Variants in RGCC observed in about 807,000 individuals in gnomAD.
The protein encoded by RGCC is regulator of cell cycle.
Under a neutral mutation model 15.4 loss-of-function variants are expected in RGCC, and 15 were observed. The observed-to-expected ratio is 0.97, with a 90% CI of 0.65 to 1.50. The LOEUF (loss-of-function observed/expected upper bound fraction) is 1.50. Ranked by LOEUF, RGCC falls within the 40% of genes most tolerant of loss-of-function variation. The pLI is 0.00. For missense variants in RGCC, 176 were observed against 189.7 expected (o/e 0.93, Z 0.42); for synonymous variants, 81 against 78.0 (o/e 1.04, Z -0.20).
chr13:41,470,549 A>G lies in RGCC; in HGVS notation c.*64A>G. On this transcript the variant is annotated 3_prime_UTR_variant, in exon 5 of 5. Transcript: ENST00000379359. ...CTTCAGAAAGTTCCGAGGACCTGCT[A>G]AAATCAGCTACTAGAATCTGCTGCC... The G allele has an allele frequency of 6.6e-7, 1 of 1,514,642 alleles. No individual in the cohort carries two copies. The highest frequency in any genetic ancestry group is 9.2e-7 in the Non-Finnish European group (1 of 1,089,616). The allele number at this position is 1,514,642 out of a possible 1,614,324, so 93.8% of individuals were successfully genotyped here. A position where few individuals can be genotyped will look rare whatever the true frequency, so the allele number is the denominator to read the frequency against.
Position 41,466,883 on chromosome 13 carries a change from C to T in RGCC, c.296C>T (p.Thr99Ile), listed in dbSNP as rs2043852003. The change falls in exon 3 of 5, where the codon ACA becomes ATA. Residue 99 changes from threonine to isoleucine, a missense_variant. Physicochemically the swap from Thr to Ile is moderately conservative, Grantham distance 89 (BLOSUM62 -1). Coordinates refer to ENST00000379359, the MANE Select transcript of RGCC (RefSeq NM_014059.3). ...SFSDEKLNSP[T>I]DSTPALLSAT... is the part of the protein sequence containing the mutation. ...AGTGATGAAAAACTGAATTCTCCAA[C>T]AGACTCTACCCCAGCTCTTCTCTCT... The T allele has an allele frequency of 6.2e-7, 1 of 1,613,824 alleles. No homozygotes were observed. Among genetic ancestry groups the T allele is most frequent in the South Asian group, 1.1e-5 (1 of 91,084 alleles).
intron 2 of RGCC, among the ~76,000 whole-genome samples, chr13:41,465,907 G>A (rs2043844547): frequency 6.6e-6 from 1 of 152,032 alleles, no homozygotes; most frequent in African/African-American, 2.4e-5. Context: ...AGGAGGCTCA[G>A]AGGGCAGAAG....
In RGCC at chr13:41,470,611, G is replaced by A; in HGVS notation, c.*126G>A. 2.2e-6 allele frequency: 2 copies of A among 927,910 alleles called. No individual in the cohort carries two copies. Among genetic ancestry groups the A allele is most frequent in the Non-Finnish European group, 1.8e-6 (1 of 566,042 alleles). 57.5% of individuals were successfully genotyped at this position (927,910 alleles called of 1,614,324 possible). Reference sequence around the variant, plus strand: ...AGACGTGCACTCAACCTTCTACCAGGCCACTCTCAGGCTCACCTTAAAATC... The same window carrying A: ...AGACGTGCACTCAACCTTCTACCAGACCACTCTCAGGCTCACCTTAAAATC... On this transcript the variant is annotated 3_prime_UTR_variant, in exon 5 of 5. Coordinates refer to ENST00000379359, the MANE Select transcript of RGCC (RefSeq NM_014059.3).
chr13:41,460,725 T>C (rs2043817018), intron 2 of RGCC, among the ~76,000 whole-genome samples: 1 of 152,248 alleles, frequency 6.6e-6, no homozygotes, highest in Non-Finnish European at 1.5e-5. Flanking sequence ...TTAATAGTGC[T>C]ATTAGGGAGA....
At chr13:41,461,170 G>C (rs1459255104) in intron 2 of RGCC, among the ~76,000 whole-genome samples, 2 of 152,150 alleles carry the variant, frequency 1.3e-5, no homozygotes, top group East Asian at 1.9e-4. Context: ...ATGGTGGGGT[G>C]GGGGGTGTGG....
chr13:41,470,519 A>T lies in RGCC; in HGVS notation c.*34A>T. ...GTTCTGGGTCCTTTCATCATAAGGG[A>T]GAAGCTTCAGAAAGTTCCGAGGACC... is the stretch of plus-strand genomic sequence containing the variant. On this transcript the variant is annotated 3_prime_UTR_variant, in exon 5 of 5. Coordinates refer to ENST00000379359, the MANE Select transcript of RGCC (RefSeq NM_014059.3). 6.2e-7 allele frequency: 1 copy of T among 1,610,136 alleles called. No individual in the cohort carries two copies. The highest frequency in any genetic ancestry group is 8.5e-7 in the Non-Finnish European group (1 of 1,176,486).
intron 2 of RGCC, among the ~76,000 whole-genome samples, chr13:41,461,277 A>G (rs1248767454): frequency 6.6e-6 from 1 of 152,242 alleles, no homozygotes; most frequent in Non-Finnish European, 1.5e-5. Context: ...AGTGATTTTA[A>G]CTTCAGTAGT....
chr13:41,464,338 G>A (rs967307584), intron 2 of RGCC, among the ~76,000 whole-genome samples: 3 of 152,204 alleles, frequency 2.0e-5, no homozygotes, highest in Admixed American at 6.5e-5. Context: ...TATTTGTGGC[G>A]ATTCTCCTGG....
chr13:41,458,452 G>C lies in RGCC; in HGVS notation c.217G>C (p.Gly73Arg), dbSNP rs1356624278. 7.5e-6 allele frequency: 12 copies of C among 1,598,782 alleles called. No homozygotes were observed. In the Admixed American group the frequency reaches 2.0e-4, roughly 27 times the overall value. ...CAGCGCCAGTGTCAGCGACAGCAGCGGCTTCAGCGACTCGGAGAGTAAGTG... is the reference window on the plus strand; with the variant it reads ...CAGCGCCAGTGTCAGCGACAGCAGCCGCTTCAGCGACTCGGAGAGTAAGTG... ...RSSASVSDSS[G>R]FSDSESADSL... The change falls in exon 2 of 5, where the codon GGC (glycine) becomes CGC (arginine). Residue 73 changes from glycine to arginine, a missense_variant. Gly to Arg is a moderately radical substitution (Grantham distance 125). Coordinates refer to ENST00000379359, the MANE Select transcript of RGCC (RefSeq NM_014059.3). The surrounding 1 kb of genome is among the most constrained non-coding windows in gnomAD (Gnocchi z 4.4).
chr13:41,462,045 G>A (rs1251206586), intron 2 of RGCC, among the ~76,000 whole-genome samples: 1 of 152,216 alleles, frequency 6.6e-6, no homozygotes, highest in East Asian at 1.9e-4. Context: ...CCCCTTTGGC[G>A]AGGCTATCAG....
intron 2 of RGCC, among the ~76,000 whole-genome samples, chr13:41,466,185 ACACACT>A (rs2043847411): frequency 4.3e-5 from 2 of 46,544 alleles, no homozygotes; most frequent in Admixed American, 2.2e-4. Flanking sequence ...TTTCTCACAC[ACACACT>A]CACACACACT....
chr13:41,460,614 G>T (rs1022148490), intron 2 of RGCC, among the ~76,000 whole-genome samples: 1 of 152,224 alleles, frequency 6.6e-6, no homozygotes, highest in South Asian at 2.1e-4. Flanking sequence ...TGAGGTGGTG[G>T]TCATCTGGCA....
chr13:41,465,261 C>T (rs1291522062), intron 2 of RGCC, among the ~76,000 whole-genome samples: 1 of 152,202 alleles, frequency 6.6e-6, no homozygotes, highest in African/African-American at 2.4e-5. Context: ...CACTTCTCTG[C>T]TCCAACTGTG....
intron 2 of RGCC, among the ~76,000 whole-genome samples, chr13:41,466,554 A>G (rs2043850451): frequency 6.6e-6 from 1 of 151,870 alleles, no homozygotes; most frequent in Admixed American, 6.6e-5. Flanking sequence ...ATGCCTGGCT[A>G]ATTTTTGTAT....
chr13:41,467,011 C>A, intron 3 of RGCC, 81 bp downstream of exon 3: 1 of 867,504 alleles, frequency 1.2e-6, no homozygotes, highest in Non-Finnish European at 2.0e-6. Flanking sequence ...CCCTTTTATC[C>A]CTAAACAATC....
chr13:41,462,496 A>G (rs1000346220), intron 2 of RGCC, among the ~76,000 whole-genome samples: 2 of 152,206 alleles, frequency 1.3e-5, no homozygotes, highest in Non-Finnish European at 2.9e-5. Context: ...TTTGAGATAC[A>G]TGTGAGATGG....
At chr13:41,467,909 T>A (rs748975935) in intron 3 of RGCC, among the ~76,000 whole-genome samples, 15 of 152,202 alleles carry the variant, frequency 9.9e-5, no homozygotes, top group Non-Finnish European at 1.8e-4. Context: ...AAGCCCCTAG[T>A]GGCAAATTGA....
At chr13:41,460,484 A>G (rs942223443) in intron 2 of RGCC, among the ~76,000 whole-genome samples, 15 of 152,160 alleles carry the variant, frequency 9.9e-5, no homozygotes, top group Non-Finnish European at 1.5e-5. Flanking sequence ...GCTTGTTATG[A>G]TGATGATGAT....
rs1235540611 is a variant in RGCC, at chr13:41,458,287, C to T, written c.52C>T (p.Pro18Ser). ...GSPAAAAAAA[P>S]ALDSAAAEDL... The stretch of plus-strand genomic sequence containing the variant: ...TGAGCCCCTGGCCCTGCCCGCAGCC[C>T]CGGCCCTGGACTCGGCGGCCGCGGA... The change falls in exon 2 of 5, where the codon CCG (proline) becomes TCG (serine). Residue 18 changes from proline to serine, a missense_variant and splice_region_variant. Transcript: ENST00000379359. This position sits in a 1 kb window ranked among gnomAD's most constrained non-coding sequence, Gnocchi z 4.4. 6.4e-7 allele frequency: 1 copy of T among 1,570,544 alleles called. No individual in the cohort carries two copies. Among genetic ancestry groups the T allele is most frequent in the South Asian group, 1.1e-5 (1 of 87,140 alleles).
Sources: gnomAD v4.1 joint callset for allele counts (sites outside exome capture counted in the v4.1 genomes callset) on GRCh38, gnomAD v4.1.1 for gene constraint, Gnocchi (gnomAD v3.1) non-coding constraint, MANE v1.5 for transcripts, NCBI Gene and HGNC (gene_info 2026-07-23, HGNC 2026-07-21) for gene names.